KIF13A: variants seen among roughly 807,000 people sequenced by gnomAD.
The protein encoded by KIF13A is kinesin family member 13A.
A neutral mutation model predicts 212.2 loss-of-function variants in KIF13A; 79 were observed. That is an observed-to-expected ratio of 0.37 (90% CI 0.31 to 0.45). The LOEUF is 0.45. KIF13A is among the 20% of genes least tolerant of loss of function. The pLI, the probability that KIF13A is intolerant of heterozygous loss-of-function variation, is 1.00. For synonymous variants in KIF13A, 789 were observed against 808.6 expected, an observed-to-expected ratio of 0.98 and a Z score of 0.41; for missense variants, 1,901 against 2,209.0, an observed-to-expected ratio of 0.86 and a Z score of 2.79.
rs760020942 is a variant in KIF13A at position 17,764,449 on chromosome 6, C to T, written c.5079G>A (p.Leu1693=). 17 of 1,614,014 alleles carry T rather than the reference C, an allele frequency of 1.1e-5. No homozygotes were observed. The highest frequency in any genetic ancestry group is 4.4e-5 in the South Asian group (4 of 91,084). Residue 1693 remains leucine, a synonymous_variant, in exon 39 of 39, where the codon CTG becomes CTA. Coordinates refer to ENST00000259711, the MANE Select transcript of KIF13A (RefSeq NM_022113.6). The surrounding 1 kb of genome is among the most constrained non-coding windows in gnomAD (Gnocchi z 5.1). Reference sequence around the variant, plus strand: ...GTTCTGAACATGAGCCAGTCCTGCACAGTGATTTGGAGTTTTTCTCAGGGA... The same window carrying T: ...GTTCTGAACATGAGCCAGTCCTGCATAGTGATTTGGAGTTTTTCTCAGGGA... ...QSIPEKNSKS[L]CRTGSCSELD...
In KIF13A at chr6:17,898,118, T is replaced by C; in HGVS notation, c.159+50A>G. ...ATGGGTTACAGTGATAAATCCTGGA[T>C]TTTTGCACACTAAGCCAGTATACAT... On this transcript the variant is annotated intron_variant, in intron 3 of 38. Coordinates refer to ENST00000259711, the MANE Select transcript of KIF13A (RefSeq NM_022113.6). The surrounding 1 kb of genome is among the most constrained non-coding windows in gnomAD (Gnocchi z 5.2). 6.3e-7 allele frequency: 1 copy of C among 1,585,134 alleles called. No individual in the cohort carries two copies. Among genetic ancestry groups the C allele is most frequent in the Non-Finnish European group, 8.6e-7 (1 of 1,156,474 alleles).
chr6:17,847,793 C>T (rs1046448026), intron 9 of KIF13A, among the ~76,000 whole-genome samples: 9 of 152,160 alleles, frequency 5.9e-5, no homozygotes, highest in African/African-American at 1.7e-4. Flanking sequence ...CCTAACAAAT[C>T]GGTGAAGTAG....
chr6:17,771,186 G>A lies in KIF13A; in HGVS notation c.4509C>T (p.Gly1503=), dbSNP rs752931845. The A allele has an allele frequency of 2.2e-5, 36 of 1,612,928 alleles. No homozygotes were observed. The Middle Eastern group carries it at 6.6e-4, about 29-fold the overall frequency. ...SMPPPQAHNP[G]CIVPSGSNGS... ...CATTGCTTCCTGAGGGTACAATGCA[G>A]CCAGGGTTATGTGCCTGAGGTGGAG... The change falls in exon 38 of 39, where the codon GGC becomes GGT. Residue 1503 remains glycine (G), a synonymous_variant. Transcript: ENST00000259711. The surrounding 1 kb of genome is among the most constrained non-coding windows in gnomAD (Gnocchi z 5.4).
chr6:17,787,980 G>A lies in KIF13A; in HGVS notation c.3262-105C>T. ...AAATCAACTAGGAAATTTTTCATTA[G>A]GAAAAGCTGTTGAACATTGCTGTGT... is the stretch of plus-strand genomic sequence containing the variant. On this transcript the variant is annotated intron_variant, in intron 26 of 38. Transcript: ENST00000259711. This position sits in a 1 kb window ranked among gnomAD's most constrained non-coding sequence, Gnocchi z 4.6. 2 of 726,060 alleles carry A rather than the reference G, an allele frequency of 2.8e-6. No homozygotes were observed. Among genetic ancestry groups the A allele is most frequent in the Non-Finnish European group, 4.8e-6 (2 of 413,442 alleles). The allele number at this position is 726,060 out of a possible 1,614,324, so 45.0% of individuals were successfully genotyped here.
Position 17,984,892 on chromosome 6 carries a change from T to C in KIF13A, c.146+2162A>G, listed in dbSNP as rs141266737. ...CAATGACAGAAATGAATTGCAAACA[T>C]AGCATGAAGCACTGCTGCAATTAAT... On this transcript the variant is annotated intron_variant, in intron 2 of 38. Transcript: ENST00000259711. The surrounding 1 kb of genome is among the most constrained non-coding windows in gnomAD (Gnocchi z 5.0). Among the ~76,000 whole-genome samples the C allele has an allele frequency of 8.0e-4, 122 of 152,312 alleles. No individual in the cohort carries two copies. The highest frequency in any genetic ancestry group is 2.8e-3 in the African/African-American group (117 of 41,566).
chr6:17,768,786 G>A lies in KIF13A; in HGVS notation c.4581+2328C>T, dbSNP rs748639845. ...CTATGCAAGACCTAACGGAAAGGTC[G>A]TGTGGATACTGGGAAAAATCACTGA... On this transcript the variant is annotated intron_variant, in intron 38 of 38. Coordinates refer to ENST00000259711, the MANE Select transcript of KIF13A (RefSeq NM_022113.6). This position sits in a 1 kb window ranked among gnomAD's most constrained non-coding sequence, Gnocchi z 5.4. Among the ~76,000 whole-genome samples, 3 of 152,202 alleles carry A rather than the reference G, an allele frequency of 2.0e-5. No homozygotes were observed. Among genetic ancestry groups the A allele is most frequent in the Admixed American group, 6.5e-5 (1 of 15,274 alleles).
chr6:17,868,056 G>A (rs914380530), intron 4 of KIF13A, among the ~76,000 whole-genome samples: 54 of 152,328 alleles, frequency 3.5e-4, no homozygotes, highest in African/African-American at 1.3e-3. Flanking sequence ...CTGAGTTGCA[G>A]GGCATTAACA....
intron 2 of KIF13A, among the ~76,000 whole-genome samples, chr6:17,966,641 G>A (rs1779341880): frequency 6.6e-6 from 1 of 152,070 alleles, no homozygotes; most frequent in African/African-American, 2.4e-5. Context: ...TTTCAACATG[G>A]ATCGGTATGG....
intron 9 of KIF13A, among the ~76,000 whole-genome samples, chr6:17,841,345 G>T (rs1368643627): frequency 6.6e-6 from 1 of 152,138 alleles, no homozygotes; most frequent in Non-Finnish European, 1.5e-5. Context: ...GATTTCAGGT[G>T]TGAGCCACCA....
At chr6:17,800,232 C>T (rs878940063) in intron 20 of KIF13A, 119 bp from the exon 21 acceptor site, 37 of 914,570 alleles carry the variant, frequency 4.0e-5, no homozygotes, top group Non-Finnish European at 5.5e-5. Context: ...GCTGCTTGGT[C>T]GTCTTCGGCA....
chr6:17,771,294 G>A lies in KIF13A; in HGVS notation c.4477-76C>T, dbSNP rs994397138. On this transcript the variant is annotated intron_variant, in intron 37 of 38. Coordinates refer to ENST00000259711, the MANE Select transcript of KIF13A (RefSeq NM_022113.6). The surrounding 1 kb of genome is among the most constrained non-coding windows in gnomAD (Gnocchi z 5.4). ...CAAAATACATATTAAGTACATGCAA[G>A]TTAGAAAAGCAATGCTAACACTCTT... The A allele has an allele frequency of 1.7e-4, 154 of 920,460 alleles. No individual in the cohort carries two copies. The highest frequency in any genetic ancestry group is 3.3e-5 in the Non-Finnish European group (19 of 578,504). The allele number at this position is 920,460 out of a possible 1,614,324, so 57.0% of individuals were successfully genotyped here.
intron 2 of KIF13A, among the ~76,000 whole-genome samples, chr6:17,920,890 A>C (rs1775015145): frequency 6.7e-6 from 1 of 149,784 alleles, no homozygotes; most frequent in East Asian, 2.0e-4. Flanking sequence ...AAAAAAAAAA[A>C]AGTAATATGC....
chr6:17,837,863 G>T lies in KIF13A; in HGVS notation c.831-280C>A, dbSNP rs1408505640. On this transcript the variant is annotated intron_variant, in intron 9 of 38. Transcript: ENST00000259711. This position sits in a 1 kb window ranked among gnomAD's most constrained non-coding sequence, Gnocchi z 5.4. The stretch of plus-strand genomic sequence containing the variant: ...AGCTACTTGGGAGGCTGAAGCAGGA[G>T]AATCTCTGGAACCCGGGAGTTAGAG... Among the ~76,000 whole-genome samples the T allele has an allele frequency of 2.6e-5, 4 of 151,960 alleles. No individual in the cohort carries two copies. The highest frequency in any genetic ancestry group is 5.9e-5 in the Non-Finnish European group (4 of 67,996).
intron 2 of KIF13A, among the ~76,000 whole-genome samples, chr6:17,980,896 G>A (rs1051648564): frequency 2.6e-5 from 4 of 151,870 alleles, no homozygotes; most frequent in Non-Finnish European, 5.9e-5. Context: ...CAGAGAAAGA[G>A]AACAAAGAGA....
chr6:17,794,747 G>A lies in KIF13A; in HGVS notation c.2943-43C>T. 3 of 1,583,552 alleles carry A rather than the reference G, an allele frequency of 1.9e-6. No homozygotes were observed. Among genetic ancestry groups the A allele is most frequent in the Non-Finnish European group, 2.6e-6 (3 of 1,168,534 alleles). ...AACAAGCAAGAGCGTCATCGTCCAG[G>A]GATACTGTTAGTAATAGTAATAAGC... is the stretch of plus-strand genomic sequence containing the variant. On this transcript the variant is annotated intron_variant, in intron 23 of 38. Coordinates refer to ENST00000259711, the MANE Select transcript of KIF13A (RefSeq NM_022113.6). The surrounding 1 kb of genome is among the most constrained non-coding windows in gnomAD (Gnocchi z 4.1).
At chr6:17,870,235 C>G (rs1475823204) in intron 4 of KIF13A, among the ~76,000 whole-genome samples, 2 of 152,146 alleles carry the variant, frequency 1.3e-5, no homozygotes, top group Non-Finnish European at 2.9e-5. Context: ...AGACAGTGCT[C>G]TATGAGCTGG....
At position 17,816,440 on chromosome 6, in the gene KIF13A, C is replaced by T. The variant is rs995859500; in HGVS notation, c.2000+580G>A. Among the ~76,000 whole-genome samples, 75 of 151,976 alleles carry T rather than the reference C, an allele frequency of 4.9e-4. No homozygotes were observed. Among genetic ancestry groups the T allele is most frequent in the African/African-American group, 1.8e-3 (73 of 41,368 alleles). ...CTGGTCTTAAACTCCTGGGCTCAAG[C>T]GATCCTCCCAGTGACCTTATAGGCA... On this transcript the variant is annotated intron_variant, in intron 17 of 38. Transcript: ENST00000259711. The surrounding 1 kb of genome is among the most constrained non-coding windows in gnomAD (Gnocchi z 4.3).
rs1774828568 is a variant in KIF13A, at chr6:17,919,282, CT to C, written c.147-21103del. Among the ~76,000 whole-genome samples, 1 of 152,184 alleles carries C rather than the reference CT, an allele frequency of 6.6e-6. No individual in the cohort carries two copies. Among genetic ancestry groups the C allele is most frequent in the Non-Finnish European group, 1.5e-5 (1 of 68,024 alleles). On this transcript the variant is annotated intron_variant, in intron 2 of 38. Transcript: ENST00000259711. This position sits in a 1 kb window ranked among gnomAD's most constrained non-coding sequence, Gnocchi z 4.1. ...CATCACAAAACAGTAGAAAGTATCC[CT>C]CTTCAACAATTACCAATACATGGCC...
rs916751900 is a variant in KIF13A at position 17,829,072 on chromosome 6, T to A, written c.1402-702A>T. Among the ~76,000 whole-genome samples, 1 of 152,016 alleles carries A rather than the reference T, an allele frequency of 6.6e-6. No homozygotes were observed. The highest frequency in any genetic ancestry group is 2.4e-5 in the African/African-American group (1 of 41,378). ...AAGCCATTCTCTTGCCTCAGCCTCC[T>A]GAGTAGTTGGGATTACAGGTATGCG... is the stretch of plus-strand genomic sequence containing the variant. On this transcript the variant is annotated intron_variant, in intron 13 of 38. Transcript: ENST00000259711. The surrounding 1 kb of genome is among the most constrained non-coding windows in gnomAD (Gnocchi z 5.4).
Sources: gnomAD v4.1 joint callset for allele counts (sites outside exome capture counted in the v4.1 genomes callset) on GRCh38, gnomAD v4.1.1 for gene constraint, Gnocchi (gnomAD v3.1) non-coding constraint, MANE v1.5 for transcripts, NCBI Gene and HGNC (gene_info 2026-07-23, HGNC 2026-07-21) for gene names.